The following COPG2 variants were observed in gnomAD, a reference collection of about 807,000 sequenced individuals.
COPG2 encodes the protein coat protein complex I subunit gamma 2, also known as coatomer subunit gamma-2.
COPG2 carries 37 observed loss-of-function variants against 46.3 expected under a neutral mutation model. The ratio of observed to expected loss-of-function variants is 0.80; its 90% CI spans 0.61 to 1.05. COPG2 has a LOEUF of 1.05. Among genes scored for constraint, COPG2 ranks in the 50% least tolerant of loss-of-function variants. COPG2 has a pLI of 0.00. For synonymous variants in COPG2, 159 were observed against 129.7 expected, an observed-to-expected ratio of 1.23 and a Z score of -1.53; for missense variants, 427 against 387.8, an observed-to-expected ratio of 1.10 and a Z score of -0.85.
At chr7:130,624,274 G>C (rs569265225) in intron 5 of COPG2, among the ~76,000 whole-genome samples, 148 of 152,224 alleles carry the variant, frequency 9.7e-4, no homozygotes, top group African/African-American at 3.2e-3. Context: ...ACAAGAGTAA[G>C]GGGCTTAATA....
At position 130,666,636 on chromosome 7, in the gene COPG2, G is replaced by A. The variant is rs549284577; in HGVS notation, c.171+213C>T. Among the ~76,000 whole-genome samples the A allele has an allele frequency of 3.9e-5, 6 of 152,234 alleles. No homozygotes were observed. In the South Asian group the frequency reaches 1.2e-3, roughly 32 times the overall value. ...AAAATCTGAAATCCAAAACACTTCT[G>A]GTTCCGAGCATTGCAAAGAAGGTAT... On this transcript the variant is annotated intron_variant, in intron 3 of 23. Coordinates refer to ENST00000425248, the MANE Select transcript of COPG2 (RefSeq NM_012133.6).
At chr7:130,510,215 A>G in intron 20 of COPG2, 1 of 520,014 alleles carries the variant, frequency 1.9e-6, no homozygotes, top group Non-Finnish European at 3.8e-6. Context: ...TCAACAGAAT[A>G]TGCTGAAAAC....
chr7:130,635,509 T>C (rs1352015506), intron 5 of COPG2, among the ~76,000 whole-genome samples: 1 of 151,840 alleles, frequency 6.6e-6, no homozygotes, highest in Non-Finnish European at 1.5e-5. Flanking sequence ...GAGGTGTTTA[T>C]AGTATTCTGT....
chr7:130,563,047 C>T (rs1179822334), intron 11 of COPG2, among the ~76,000 whole-genome samples: 1 of 152,138 alleles, frequency 6.6e-6, no homozygotes, highest in Non-Finnish European at 1.5e-5. Context: ...GACAGTGTGG[C>T]TCTTGAATAT....
intron 9 of COPG2, among the ~76,000 whole-genome samples, chr7:130,591,667 G>A (rs568527379): frequency 2.3e-4 from 31 of 137,666 alleles, no homozygotes; most frequent in South Asian, 4.8e-4. Flanking sequence ...CTGCCCGGCC[G>A]CCCCTACTGG....
chr7:130,570,147 A>G (rs1326195057), intron 9 of COPG2, among the ~76,000 whole-genome samples: 2 of 152,224 alleles, frequency 1.3e-5, no homozygotes, highest in African/African-American at 4.8e-5. Context: ...CTGGAACAAG[A>G]CAAGGATGCC....
chr7:130,643,807 AC>A (rs1169358932), intron 5 of COPG2, among the ~76,000 whole-genome samples: 1 of 152,102 alleles, frequency 6.6e-6, no homozygotes, highest in Non-Finnish European at 1.5e-5. Context: ...TTTAAAAAAA[AC>A]ACACACACAA....
chr7:130,608,828 CTACT>C (rs1554451639), intron 9 of COPG2, among the ~76,000 whole-genome samples: 1 of 151,604 alleles, frequency 6.6e-6, no homozygotes, highest in Non-Finnish European at 1.5e-5. Flanking sequence ...TTTATTTATC[CTACT>C]TGAGTGTCAC....
chr7:130,522,980 G>A (rs922703492), intron 20 of COPG2, among the ~76,000 whole-genome samples: 222 of 151,858 alleles, frequency 1.5e-3, no homozygotes, highest in African/African-American at 5.1e-3. Context: ...TCAGCTGGGC[G>A]TGGTGGTGGA....
At chr7:130,591,536 G>A (rs1210612344) in intron 9 of COPG2, among the ~76,000 whole-genome samples, 2 of 124,512 alleles carry the variant, frequency 1.6e-5, no homozygotes, top group East Asian at 2.6e-4. Flanking sequence ...GCCTCTGCCC[G>A]GCCGCCCCTA....
At chr7:130,518,264 G>A (rs1799695280) in intron 20 of COPG2, among the ~76,000 whole-genome samples, 2 of 152,194 alleles carry the variant, frequency 1.3e-5, no homozygotes, top group African/African-American at 2.4e-5. Flanking sequence ...TGAAGCAAAT[G>A]TAACATCAAG....
intron 14 of COPG2, 28 bp downstream of exon 14, chr7:130,554,453 C>T (rs1479842299): frequency 1.0e-5 from 4 of 398,332 alleles, no homozygotes; most frequent in Middle Eastern, 6.2e-4. Context: ...AGATCAGCAT[C>T]GTCAATATCA....
rs376474272 is a variant in COPG2, at chr7:130,605,723, G to A, written c.737+5230C>T. On this transcript the variant is annotated intron_variant, in intron 9 of 23. Coordinates refer to ENST00000425248, the MANE Select transcript of COPG2 (RefSeq NM_012133.6). Reference sequence around the variant, plus strand: ...TGAATTTGGCCAACGACTTAAATGAGATTGGAAGTGGATTCTTCCTCAAAG... The same window carrying A: ...TGAATTTGGCCAACGACTTAAATGAAATTGGAAGTGGATTCTTCCTCAAAG... 1.8e-4 allele frequency: 95 copies of A among 519,766 alleles called. 1 individual carries two copies. Among genetic ancestry groups the A allele is most frequent in the African/African-American group, 9.8e-4 (51 of 52,062 alleles). 32.2% of individuals were successfully genotyped at this position (519,766 alleles called of 1,614,324 possible). A position where few individuals can be genotyped will look rare whatever the true frequency, so the allele number is the denominator to read the frequency against.
intron 20 of COPG2, among the ~76,000 whole-genome samples, chr7:130,535,002 G>A (rs1304240892): frequency 3.3e-5 from 5 of 152,192 alleles, no homozygotes; most frequent in African/African-American, 7.2e-5. Flanking sequence ...AAGGGAAGGC[G>A]CTGGCCTGAA....
intron 5 of COPG2, among the ~76,000 whole-genome samples, chr7:130,641,526 C>T (rs1795488333): frequency 6.6e-6 from 1 of 152,094 alleles, no homozygotes; most frequent in Admixed American, 6.6e-5. Flanking sequence ...TGGTACAACT[C>T]CAGGAAGTAT....
intron 9 of COPG2, among the ~76,000 whole-genome samples, chr7:130,608,437 T>C (rs1338467965): frequency 6.6e-6 from 1 of 152,222 alleles, no homozygotes; most frequent in Non-Finnish European, 1.5e-5. Context: ...ATCCATCTAC[T>C]ATCATTTCTT....
At chr7:130,607,985 A>C (rs1053010169) in intron 9 of COPG2, among the ~76,000 whole-genome samples, 23 of 152,300 alleles carry the variant, frequency 1.5e-4, no homozygotes, top group South Asian at 6.2e-4. Context: ...ATAGCTTTGT[A>C]CTAATGTCAA....
Position 130,666,918 on chromosome 7 carries a change from G to C in COPG2, c.102C>G (p.Phe34Leu), listed in dbSNP as rs1404361913. The change falls in exon 3 of 24, where the codon TTC becomes TTG. Residue 34 changes from phenylalanine (F) to leucine (L), a missense_variant. Coordinates refer to ENST00000425248, the MANE Select transcript of COPG2 (RefSeq NM_012133.6). ...TTCTTGGATTGATTGGAGTTTCATT[G>C]AATATACGAGCCTATGAAAAAACAT... ...KSAVLQEARI[F>L]NETPINPRRC... 2 of 1,548,570 alleles carry C rather than the reference G, an allele frequency of 1.3e-6. No individual in the cohort carries two copies. Among genetic ancestry groups the C allele is most frequent in the East Asian group, 4.5e-5 (2 of 44,126 alleles).
intron 9 of COPG2, among the ~76,000 whole-genome samples, chr7:130,609,482 T>C (rs1334428191): frequency 6.6e-6 from 1 of 152,212 alleles, no homozygotes; most frequent in Non-Finnish European, 1.5e-5. Context: ...CCACGTGGAA[T>C]TGTAAGTCCA....
Sources: allele counts gnomAD v4.1 joint callset (sites outside exome capture counted in the v4.1 genomes callset), GRCh38; gene constraint gnomAD v4.1.1; transcripts MANE v1.5; gene names NCBI Gene and HGNC (gene_info 2026-07-23, HGNC 2026-07-21).